ADAMTSL3: variants seen among roughly 807,000 people sequenced by gnomAD.
ADAMTSL3 encodes ADAMTS-like protein 3.
A neutral mutation model predicts 201.7 loss-of-function variants in ADAMTSL3; 128 were observed. The ratio of observed to expected loss-of-function variants is 0.63; its 90% confidence interval spans 0.55 to 0.73. The LOEUF is 0.73. Ranked by LOEUF, ADAMTSL3 falls within the 30% of genes least tolerant of loss-of-function variation. The probability of loss-of-function intolerance (pLI) is 0.00; values close to 1 mark genes in which losing one functional copy is unlikely to be tolerated. For synonymous variants in ADAMTSL3, 738 were observed against 748.4 expected, an observed-to-expected ratio of 0.99 and a Z score of 0.23; for missense variants, 1,990 against 2,119.6, an observed-to-expected ratio of 0.94 and a Z score of 1.20.
intron 15 of ADAMTSL3, among the ~76,000 whole-genome samples, chr15:83,909,629 T>C (rs1288702497): frequency 6.6e-6 from 1 of 152,148 alleles, no homozygotes; most frequent in Admixed American, 6.5e-5. Context: ...TTCTTTCTTT[T>C]TTTGAGGTGG....
chr15:83,728,076 T>C (rs2062207035), intron 3 of ADAMTSL3, among the ~76,000 whole-genome samples: 1 of 152,048 alleles, frequency 6.6e-6, no homozygotes. Context: ...TTTATAATTG[T>C]TATATCCTCT....
At chr15:84,012,613 C>T (rs1029741075) in intron 23 of ADAMTSL3, among the ~76,000 whole-genome samples, 3 of 152,168 alleles carry the variant, frequency 2.0e-5, no homozygotes, top group African/African-American at 7.2e-5. Flanking sequence ...ATGGGCCCAA[C>T]CAGATATCTC....
intron 19 of ADAMTSL3, among the ~76,000 whole-genome samples, chr15:83,965,779 G>T (rs888724021): frequency 3.9e-5 from 6 of 152,052 alleles, no homozygotes; most frequent in Non-Finnish European, 8.8e-5. Flanking sequence ...CCACATACTT[G>T]GAAGTAAAAC....
chr15:83,925,943 T>C (rs2066237482), intron 17 of ADAMTSL3, among the ~76,000 whole-genome samples: 1 of 152,218 alleles, frequency 6.6e-6, no homozygotes, highest in East Asian at 1.9e-4. Context: ...AACATAGTTA[T>C]ATTTCTCAAC....
intron 4 of ADAMTSL3, among the ~76,000 whole-genome samples, chr15:83,787,395 C>T: frequency 6.6e-6 from 1 of 152,026 alleles, no homozygotes; most frequent in East Asian, 1.9e-4. Context: ...TAATGTATTT[C>T]TGGGTTGATA....
intron 4 of ADAMTSL3, among the ~76,000 whole-genome samples, chr15:83,803,370 A>T (rs540661217): frequency 6.6e-6 from 1 of 152,308 alleles, no homozygotes; most frequent in East Asian, 1.9e-4. Flanking sequence ...TGGCAAAAAA[A>T]TGACCTCCTA....
Position 83,943,097 on chromosome 15 carries a change from C to T in ADAMTSL3, c.2490+15C>T, listed in dbSNP as rs756062774. Reference sequence around the variant, plus strand: ...ACTGGTCGAAGGTAAGGGCCAGGCTCAACTTTATAGTCCCTTCTTTTCTGC... The same window carrying T: ...ACTGGTCGAAGGTAAGGGCCAGGCTTAACTTTATAGTCCCTTCTTTTCTGC... On this transcript the variant is annotated intron_variant, in intron 19 of 29. Coordinates refer to ENST00000286744, the MANE Select transcript of ADAMTSL3 (RefSeq NM_207517.3). 6.8e-5 allele frequency: 108 copies of T among 1,593,384 alleles called. No homozygotes were observed. The highest frequency in any genetic ancestry group is 7.7e-5 in the Non-Finnish European group (90 of 1,172,070).
intron 6 of ADAMTSL3, among the ~76,000 whole-genome samples, chr15:83,831,722 C>T (rs888078916): frequency 2.6e-5 from 4 of 152,068 alleles, no homozygotes; most frequent in African/African-American, 9.7e-5. Context: ...GAAATCCTTC[C>T]CAGTTGCAGC....
intron 3 of ADAMTSL3, 128 bp downstream of exon 3, chr15:83,704,636 A>T: frequency 8.1e-7 from 1 of 1,239,164 alleles, no homozygotes; most frequent in Non-Finnish European, 1.1e-6. Flanking sequence ...GACCCTTGAC[A>T]CCCTTGAAGG....
chr15:83,834,474 G>A (rs141390608), intron 6 of ADAMTSL3, among the ~76,000 whole-genome samples: 4 of 151,768 alleles, frequency 2.6e-5, no homozygotes, highest in South Asian at 4.2e-4. Flanking sequence ...GATTTCAAAC[G>A]GTTGATTTAA....
chr15:83,883,978 C>T (rs1454103975), intron 9 of ADAMTSL3, among the ~76,000 whole-genome samples: 4 of 151,690 alleles, frequency 2.6e-5, no homozygotes, highest in African/African-American at 9.7e-5. Flanking sequence ...CTGCAACCTC[C>T]GCCTCCCGGG....
intron 17 of ADAMTSL3, among the ~76,000 whole-genome samples, chr15:83,925,503 C>T (rs2066229439): frequency 6.6e-6 from 1 of 152,092 alleles, no homozygotes; most frequent in African/African-American, 2.4e-5. Context: ...ACTCCCACCC[C>T]CAGGTTTACA....
rs191747216 is a variant in ADAMTSL3, at chr15:83,827,495, T to C, written c.600+7448T>C. 1.3e-4 allele frequency among the ~76,000 whole-genome samples: 20 copies of C among 152,352 alleles called. No individual in the cohort carries two copies. In the East Asian group the frequency reaches 3.9e-3, roughly 29 times the overall value. On this transcript the variant is annotated intron_variant, in intron 6 of 29. Transcript: ENST00000286744. ...ACTCTGATGGTAGTTTCTTTTGCTG[T>C]GCAGAAGCTCTTTAGTTTAGTTAGA...
rs527494255 is a variant in ADAMTSL3, at chr15:84,024,597, G to A, written c.4458-641G>A. Among the ~76,000 whole-genome samples, 6 of 152,298 alleles carry A rather than the reference G, an allele frequency of 3.9e-5. No individual in the cohort carries two copies. In the Middle Eastern group the frequency reaches 0.014, roughly 345 times the overall value. On this transcript the variant is annotated intron_variant, in intron 26 of 29. Transcript: ENST00000286744. ...ACATCATGTTAGAAACCCCTGCTCT[G>A]CAGTCTCCCAACAGCATCTTTGTCC...
At chr15:83,861,379 G>T in intron 8 of ADAMTSL3, 1 of 154,244 alleles carries the variant, frequency 6.5e-6, no homozygotes, top group Non-Finnish European at 1.4e-5. Flanking sequence ...CCCCTAGTAG[G>T]GGCAGACTGA....
chr15:83,852,679 T>A (rs1362030385), intron 7 of ADAMTSL3, among the ~76,000 whole-genome samples: 1 of 152,242 alleles, frequency 6.6e-6, no homozygotes, highest in Non-Finnish European at 1.5e-5. Context: ...CTTACTGATT[T>A]GTAAACACTC....
rs1486251702 is a variant in ADAMTSL3, at chr15:83,654,950, A to C, written c.-34+674A>C. On this transcript the variant is annotated intron_variant, in intron 1 of 29. Coordinates refer to ENST00000286744, the MANE Select transcript of ADAMTSL3 (RefSeq NM_207517.3). This position sits in a 1 kb window ranked among gnomAD's most constrained non-coding sequence, Gnocchi z 5.3. ...AGAGAAGCCACCGACCCGCCCCCGG[A>C]CACCAGCTCCGCCAAGGCGCCCGCG... Among the ~76,000 whole-genome samples, 3 of 152,202 alleles carry C rather than the reference A, an allele frequency of 2.0e-5. No individual in the cohort carries two copies. The highest frequency in any genetic ancestry group is 1.5e-5 in the Non-Finnish European group (1 of 68,032).
rs781475456 is a variant in ADAMTSL3, at chr15:83,924,028, C to A, written c.2112C>A (p.Pro704=). 6.2e-7 allele frequency: 1 copy of A among 1,614,060 alleles called. No individual in the cohort carries two copies. The part of the protein sequence containing the change: ...MSQACNTEPC[P]PRWHVGSWGP... ...AGGCCTGTAACACAGAGCCCTGTCC[C>A]CCCAGGTATGTGCTGTCTTGTGTTC... The change falls in exon 17 of 30, where the codon CCC becomes CCA. Residue 704 remains proline (P), a synonymous_variant. Coordinates refer to ENST00000286744, the MANE Select transcript of ADAMTSL3 (RefSeq NM_207517.3).
At chr15:83,742,286 C>A (rs1463189175) in intron 3 of ADAMTSL3, among the ~76,000 whole-genome samples, 1 of 151,968 alleles carries the variant, frequency 6.6e-6, no homozygotes, top group African/African-American at 2.4e-5. Flanking sequence ...ATTCAGAAAA[C>A]CATGAAAATG....
Sources: gnomAD v4.1 joint callset for allele counts (sites outside exome capture counted in the v4.1 genomes callset) on GRCh38, gnomAD v4.1.1 for gene constraint, Gnocchi (gnomAD v3.1) non-coding constraint, MANE v1.5 for transcripts, NCBI Gene and HGNC (gene_info 2026-07-23, HGNC 2026-07-21) for gene names.